Variants in ANK2 observed in about 807,000 individuals in gnomAD.
ANK2 encodes the protein ankyrin-2.
ANK2 carries 83 observed loss-of-function variants against 360.5 expected under a neutral mutation model. That is an observed-to-expected ratio of 0.23 (90% CI 0.19 to 0.28). The LOEUF is 0.28. ANK2 is among the 10% of genes least tolerant of loss of function. ANK2 has a pLI of 1.00. For synonymous variants in ANK2, 1,740 were observed against 1,759.5 expected (o/e 0.99, Z 0.28); for missense variants, 4,201 against 4,795.7 (o/e 0.88, Z 3.66).
chr4:112,759,992 T>C, the ANK2 span, among the ~76,000 whole-genome samples: 3 of 152,162 alleles, frequency 2.0e-5, no homozygotes, highest in Non-Finnish European at 4.4e-5. Context: ...TTTATAGATG[T>C]AGAAACTGAG....
At chr4:112,978,131 C>T (rs2042025548) in intron 2 of ANK2, among the ~76,000 whole-genome samples, 1 of 151,922 alleles carries the variant, frequency 6.6e-6, no homozygotes, top group South Asian at 2.1e-4. Context: ...GTAATCCCAA[C>T]TACTTGGAAG....
At chr4:112,745,824 C>A in the ANK2 span, among the ~76,000 whole-genome samples, 1 of 152,066 alleles carries the variant, frequency 6.6e-6, no homozygotes, top group South Asian at 2.1e-4. Flanking sequence ...TGAGCCACTG[C>A]GCCCGGCCCC....
intron 2 of ANK2, among the ~76,000 whole-genome samples, chr4:113,003,760 G>T (rs1459051354): frequency 6.6e-6 from 1 of 152,190 alleles, no homozygotes. Context: ...ACAGTCATGT[G>T]TCGCTTAACG....
chr4:112,951,300 A>C (rs2094972703), intron 2 of ANK2, among the ~76,000 whole-genome samples: 1 of 152,190 alleles, frequency 6.6e-6, no homozygotes, highest in Non-Finnish European at 1.5e-5. Context: ...GAATATACTT[A>C]GTTGTTAAAA....
At chr4:113,147,613 G>C (rs1023027465) in intron 1 of ANK2, among the ~76,000 whole-genome samples, 2 of 152,064 alleles carry the variant, frequency 1.3e-5, no homozygotes, top group Non-Finnish European at 2.9e-5. Context: ...TTCCACTTTG[G>C]CCATGGAGAA....
At chr4:113,144,035 A>C (rs1336844910) in intron 1 of ANK2, among the ~76,000 whole-genome samples, 1 of 151,928 alleles carries the variant, frequency 6.6e-6, no homozygotes, top group East Asian at 1.9e-4. Context: ...TAAAAGGTTT[A>C]GATTTCATGT....
Position 113,330,287 on chromosome 4 carries a change from T to C in ANK2, c.2942T>C (p.Met981Thr). 6.2e-7 allele frequency: 1 copy of C among 1,614,202 alleles called. No individual in the cohort carries two copies. Among genetic ancestry groups the C allele is most frequent in the Non-Finnish European group, 8.5e-7 (1 of 1,180,022 alleles). Reference sequence around the variant, plus strand: ...ATGGTGGATGCCCGAGGTGGTGCTATGCGAGGATGCAGACACAATGGGCTC... The same window carrying C: ...ATGGTGGATGCCCGAGGTGGTGCTACGCGAGGATGCAGACACAATGGGCTC... ...SFMVDARGGA[M>T]RGCRHNGLRI... The change falls in exon 27 of 46, where the codon ATG becomes ACG. Residue 981 changes from methionine (M) to threonine (T), a missense_variant. Transcript: ENST00000357077.
At chr4:113,374,609 G>T (rs2154077368) in intron 45 of ANK2, among the ~76,000 whole-genome samples, 1 of 152,300 alleles carries the variant, frequency 6.6e-6, no homozygotes, top group East Asian at 1.9e-4. Flanking sequence ...ATAGGTTATA[G>T]TTCGTTTTTT....
At chr4:113,114,747 C>G (rs550804119) in intron 1 of ANK2, among the ~76,000 whole-genome samples, 1 of 152,272 alleles carries the variant, frequency 6.6e-6, no homozygotes, top group Admixed American at 6.5e-5. Flanking sequence ...ACTTTCTTCT[C>G]TATCTGTGCT....
chr4:113,021,541 C>CATATATATATATAT (rs57817594), intron 2 of ANK2, among the ~76,000 whole-genome samples: 26 of 95,632 alleles, frequency 2.7e-4, no homozygotes, highest in African/African-American at 7.3e-4. Context: ...CACACACAAA[C>CATATATATATATAT]ATATATATAT....
chr4:112,951,377 C>T (rs1422309110), intron 2 of ANK2, among the ~76,000 whole-genome samples: 2 of 152,094 alleles, frequency 1.3e-5, no homozygotes, highest in African/African-American at 4.8e-5. Flanking sequence ...AAAAATTATA[C>T]TGAGCAGGAG....
intron 1 of ANK2, among the ~76,000 whole-genome samples, chr4:113,062,426 A>G (rs566685600): frequency 9.9e-5 from 15 of 152,264 alleles, no homozygotes; most frequent in Admixed American, 3.3e-4. Context: ...CCAATGAACA[A>G]TGATTTTGGA....
chr4:112,852,068 G>T, intron 1 of ANK2, among the ~76,000 whole-genome samples: 1 of 152,170 alleles, frequency 6.6e-6, no homozygotes, highest in South Asian at 2.1e-4. Context: ...TCTGAAGAAG[G>T]TTGTTCATAA....
At chr4:113,331,184 G>T (rs535606609) in intron 27 of ANK2, among the ~76,000 whole-genome samples, 44 of 152,170 alleles carry the variant, frequency 2.9e-4, no homozygotes, top group Non-Finnish European at 6.0e-4. Context: ...TTTGGAGGGG[G>T]ACAAGTTTCA....
intron 1 of ANK2, among the ~76,000 whole-genome samples, chr4:112,829,974 A>AT (rs375245023): frequency 1.6e-4 from 23 of 143,660 alleles, no homozygotes; most frequent in Admixed American, 4.2e-4. Context: ...AATAAAAATA[A>AT]AAAATAAAAA....
In ANK2 at chr4:113,354,707, A is replaced by G. The variant is rs904315874; in HGVS notation, c.6089A>G (p.Glu2030Gly). The change falls in exon 38 of 46, where the codon GAA becomes GGA. Residue 2030 changes from glutamate (E) to glycine (G), a missense_variant. By Grantham distance (98) the Glu-to-Gly change is moderately conservative. Around this residue, in one of 4 missense-constraint regions of ANK2, gnomAD observed 2,642 missense variants for 2,714.5 expected, o/e 0.97. Transcript: ENST00000357077. Reference sequence around the variant, plus strand: ...CAAGAGAAAGGTAAAGTTCGGGTAGAAAAAGAAAAGGGGCCGATACTAACC... The same window carrying G: ...CAAGAGAAAGGTAAAGTTCGGGTAGGAAAAGAAAAGGGGCCGATACTAACC... ...QPQEKGKVRV[E>G]KEKGPILTQR... is the part of the protein sequence containing the mutation. The G allele has an allele frequency of 1.2e-6, 2 of 1,613,890 alleles. No homozygotes were observed. Among genetic ancestry groups the G allele is most frequent in the African/African-American group, 1.3e-5 (1 of 74,856 alleles).
intron 1 of ANK2, among the ~76,000 whole-genome samples, chr4:113,136,836 A>C (rs2154381974): frequency 6.7e-6 from 1 of 150,258 alleles, no homozygotes. Context: ...GGCTTACTGC[A>C]ACCTCCGCCT....
At chr4:112,959,556 C>T (rs2033567292) in intron 2 of ANK2, among the ~76,000 whole-genome samples, 1 of 152,128 alleles carries the variant, frequency 6.6e-6, no homozygotes, top group Non-Finnish European at 1.5e-5. Context: ...GGGAAACACT[C>T]ACATGTGATA....
chr4:113,268,478 C>T (rs1444294962), intron 14 of ANK2, among the ~76,000 whole-genome samples: 1 of 151,862 alleles, frequency 6.6e-6, no homozygotes, highest in Non-Finnish European at 1.5e-5. Flanking sequence ...TGAATTTTAT[C>T]AGTTTTTTCT....
Sources: allele counts gnomAD v4.1 joint callset (sites outside exome capture counted in the v4.1 genomes callset), GRCh38; gene constraint gnomAD v4.1.1; regional missense constraint gnomAD v4.1.1; transcripts MANE v1.5; gene names NCBI Gene and HGNC (gene_info 2026-07-23, HGNC 2026-07-21).